The following ADARB2 variants were observed in gnomAD, a reference collection of about 807,000 sequenced individuals.
ADARB2 encodes inactive double-stranded RNA-specific editase B2.
Under a neutral mutation model 62.2 loss-of-function variants are expected in ADARB2, and 25 were observed. The observed-to-expected ratio is 0.40, with a 90% confidence interval of 0.29 to 0.56. The LOEUF (loss-of-function observed/expected upper bound fraction) is 0.56. ADARB2 is among the 20% of genes least tolerant of loss of function. The probability of loss-of-function intolerance (pLI) is 0.43; values close to 1 mark genes in which losing one functional copy is unlikely to be tolerated. For synonymous variants in ADARB2, 572 were observed against 500.8 expected (o/e 1.14, Z -1.90); for missense variants, 1,071 against 1,077.4 (o/e 0.99, Z 0.08).
chr10:1,616,846 A>T (rs867328052), intron 1 of ADARB2, among the ~76,000 whole-genome samples: 1 of 139,912 alleles, frequency 7.1e-6, no homozygotes, highest in Non-Finnish European at 1.5e-5. Context: ...CACACTCCAC[A>T]CCGCCCTGCT....
chr10:1,550,046 GACAA>G (rs1254867821), intron 1 of ADARB2, among the ~76,000 whole-genome samples: 1 of 152,142 alleles, frequency 6.6e-6, no homozygotes, highest in African/African-American at 2.4e-5. Context: ...AACACAAAAA[GACAA>G]ACAAAGTCTT....
chr10:1,735,238 T>C (rs989033824), intron 1 of ADARB2, among the ~76,000 whole-genome samples: 1 of 152,198 alleles, frequency 6.6e-6, no homozygotes, highest in African/African-American at 2.4e-5. Context: ...ATAACCAAGG[T>C]ATGGAAATAT....
chr10:1,305,951 G>T (rs2131820123), intron 3 of ADARB2, among the ~76,000 whole-genome samples: 1 of 152,120 alleles, frequency 6.6e-6, no homozygotes, highest in East Asian at 1.9e-4. Context: ...ATATCCTACT[G>T]AATGGGCAAA....
chr10:1,250,609 A>T (rs144161480), intron 4 of ADARB2, among the ~76,000 whole-genome samples: 28 of 152,246 alleles, frequency 1.8e-4, no homozygotes, highest in African/African-American at 6.0e-4. Flanking sequence ...TGCAGAAAAA[A>T]AGCTCTCACC....
chr10:1,725,354 G>A (rs1388636852), intron 1 of ADARB2, among the ~76,000 whole-genome samples: 1 of 152,170 alleles, frequency 6.6e-6, no homozygotes, highest in African/African-American at 2.4e-5. Context: ...GGGTAGGGGG[G>A]CCTCTTTCTG....
At chr10:1,510,046 CTCTT>C (rs1209738042) in intron 1 of ADARB2, among the ~76,000 whole-genome samples, 3 of 151,260 alleles carry the variant, frequency 2.0e-5, no homozygotes, top group African/African-American at 4.8e-5. Context: ...TCTTTTCTCT[CTCTT>C]CTCTCTCTCT....
chr10:1,682,585 G>A (rs752321094), intron 1 of ADARB2, among the ~76,000 whole-genome samples: 3 of 152,186 alleles, frequency 2.0e-5, no homozygotes, highest in Admixed American at 6.5e-5. Flanking sequence ...GGTTCAGGGT[G>A]TAATTTCCGA....
At chr10:1,510,120 CTTTCTTTCTTTCTT>C (rs1564312536) in intron 1 of ADARB2, among the ~76,000 whole-genome samples, 70 of 113,260 alleles carry the variant, frequency 6.2e-4, no homozygotes, top group African/African-American at 1.8e-3. Context: ...CTCTTTCTTT[CTTTCTTTCTTTCTT>C]TCTTTCTTTC....
At chr10:1,189,107 T>A (rs1415551402) in intron 8 of ADARB2, among the ~76,000 whole-genome samples, 1 of 152,156 alleles carries the variant, frequency 6.6e-6, no homozygotes, top group Non-Finnish European at 1.5e-5. Context: ...CTCCCTGTCC[T>A]GGGATGTCTC....
chr10:1,368,456 T>C (rs907618114), intron 2 of ADARB2, among the ~76,000 whole-genome samples: 7 of 152,128 alleles, frequency 4.6e-5, no homozygotes, highest in Non-Finnish European at 1.0e-4. Context: ...TCCCTGCTCA[T>C]CTTTTTCCCT....
At chr10:1,546,624 C>T (rs1016422259) in intron 1 of ADARB2, among the ~76,000 whole-genome samples, 12 of 152,230 alleles carry the variant, frequency 7.9e-5, no homozygotes, top group Non-Finnish European at 1.8e-4. Context: ...CCACCCTGTA[C>T]CAGGCATCTC....
chr10:1,514,646 G>T (rs1354468554), intron 1 of ADARB2, among the ~76,000 whole-genome samples: 1 of 152,034 alleles, frequency 6.6e-6, no homozygotes, highest in Non-Finnish European at 1.5e-5. Flanking sequence ...CCGAGACAGA[G>T]GAACTGAATT....
intron 3 of ADARB2, among the ~76,000 whole-genome samples, chr10:1,340,307 G>A (rs1237040133): frequency 4.6e-5 from 6 of 131,272 alleles, no homozygotes; most frequent in African/African-American, 9.8e-5. Flanking sequence ...ACCCCACAGC[G>A]GCAATAACCG....
Position 1,364,935 on chromosome 10 carries a change from C to T in ADARB2, c.188-1018G>A, listed in dbSNP as rs188552910. ...TTGCCCAGGCTGGAGGGCAGTGGCG[C>T]GATCTTGGCCCACTGCAACCTCCGC... is the stretch of plus-strand genomic sequence containing the variant. On this transcript the variant is annotated intron_variant, in intron 2 of 9. Coordinates refer to ENST00000381312, the MANE Select transcript of ADARB2 (RefSeq NM_018702.4). Among the ~76,000 whole-genome samples the T allele has an allele frequency of 1.0e-3, 152 of 150,264 alleles. 1 individual carries two copies. In the East Asian group the frequency reaches 0.026, roughly 25 times the overall value.
chr10:1,574,957 C>T (rs1832990224), intron 1 of ADARB2, among the ~76,000 whole-genome samples: 1 of 30,794 alleles, frequency 3.2e-5, no homozygotes, highest in Admixed American at 2.1e-4. Flanking sequence ...GGCAGCGATT[C>T]AGGGGCTGAG....
chr10:1,661,303 T>C (rs965391721), intron 1 of ADARB2, among the ~76,000 whole-genome samples: 4 of 152,234 alleles, frequency 2.6e-5, no homozygotes, highest in African/African-American at 7.2e-5. Flanking sequence ...CCAGTGGTTT[T>C]GTGTACCTTA....
rs977267800 is a variant in ADARB2 at position 1,262,521 on chromosome 10, A to G, written c.1192+8434T>C. Among the ~76,000 whole-genome samples, 4 of 151,854 alleles carry G rather than the reference A, an allele frequency of 2.6e-5. No homozygotes were observed. The South Asian group carries it at 6.2e-4, about 24-fold the overall frequency. On this transcript the variant is annotated intron_variant, in intron 4 of 9. Coordinates refer to ENST00000381312, the MANE Select transcript of ADARB2 (RefSeq NM_018702.4). ...AAAGAAGACATTTATGCAGCCAAAAAACACACAAAAAAATGCTCATCATCA... is the reference window on the plus strand; with the variant it reads ...AAAGAAGACATTTATGCAGCCAAAAGACACACAAAAAAATGCTCATCATCA...
At chr10:1,244,286 C>T (rs534481498) in intron 4 of ADARB2, among the ~76,000 whole-genome samples, 16 of 152,194 alleles carry the variant, frequency 1.1e-4, no homozygotes, top group African/African-American at 3.1e-4. Context: ...GTTCCAGCTT[C>T]GTTAAAGCTG....
At chr10:1,731,413 C>T (rs1835230455) in intron 1 of ADARB2, among the ~76,000 whole-genome samples, 1 of 152,188 alleles carries the variant, frequency 6.6e-6, no homozygotes, top group South Asian at 2.1e-4. Flanking sequence ...GGAGTTCTGG[C>T]TCCAAGGTCC....
Sources: gnomAD v4.1 joint callset for allele counts (sites outside exome capture counted in the v4.1 genomes callset) on GRCh38, gnomAD v4.1.1 for gene constraint, MANE v1.5 for transcripts, NCBI Gene and HGNC (gene_info 2026-07-23, HGNC 2026-07-21) for gene names.